The following CPQ variants were observed in gnomAD, a reference collection of about 807,000 sequenced individuals.
The protein encoded by CPQ is Ser-Met dipeptidase.
A neutral mutation model predicts 45.7 loss-of-function variants in CPQ; 37 were observed. The ratio of observed to expected loss-of-function variants is 0.81; its 90% CI spans 0.62 to 1.07. The LOEUF (loss-of-function observed/expected upper bound fraction) is 1.07, where lower values mean the gene tolerates loss of function less well. Ranked by LOEUF, CPQ falls within the 50% of genes least tolerant of loss-of-function variation. CPQ has a pLI of 0.00. For missense variants in CPQ, 537 were observed against 572.9 expected, an observed-to-expected ratio of 0.94 and a Z score of 0.64; for synonymous variants, 186 against 205.8, an observed-to-expected ratio of 0.90 and a Z score of 0.82.
At position 96,885,754 on chromosome 8, in the gene CPQ, C is replaced by T. The variant is rs114123712; in HGVS notation, c.849+5749C>T. On this transcript the variant is annotated intron_variant, in intron 4 of 7. Coordinates refer to ENST00000220763, the MANE Select transcript of CPQ (RefSeq NM_016134.4). ...CTCACGCCTGTAATCTCAGGGAGGCCGAGGCGGGCAGATAACTAGGTCAGG... is the reference window on the plus strand; with the variant it reads ...CTCACGCCTGTAATCTCAGGGAGGCTGAGGCGGGCAGATAACTAGGTCAGG... Among the ~76,000 whole-genome samples the T allele has an allele frequency of 6.7e-3, 1,020 of 152,146 alleles. 7 individuals carry two copies. Among genetic ancestry groups the T allele is most frequent in the African/African-American group, 0.019 (794 of 41,518 alleles).
At chr8:97,088,118 A>G (rs898130674) in intron 7 of CPQ, among the ~76,000 whole-genome samples, 2 of 152,210 alleles carry the variant, frequency 1.3e-5, no homozygotes, top group African/African-American at 4.8e-5. Context: ...TTCTTTTGCA[A>G]TATTTCACCC....
intron 7 of CPQ, among the ~76,000 whole-genome samples, chr8:97,082,114 C>T (rs1432023093): frequency 6.6e-6 from 1 of 152,120 alleles, no homozygotes; most frequent in East Asian, 1.9e-4. Context: ...ATTAAGCAAG[C>T]CACGGAAGGA....
intron 4 of CPQ, among the ~76,000 whole-genome samples, chr8:96,904,318 G>A (rs923591858): frequency 2.6e-5 from 4 of 152,216 alleles, no homozygotes; most frequent in Admixed American, 6.5e-5. Flanking sequence ...GTGATCCACA[G>A]ATAGAGAATA....
At chr8:97,069,875 T>G (rs1271190988) in intron 7 of CPQ, among the ~76,000 whole-genome samples, 2 of 152,172 alleles carry the variant, frequency 1.3e-5, no homozygotes, top group African/African-American at 4.8e-5. Context: ...AAAATACTGA[T>G]AGAACTGTAT....
intron 1 of CPQ, among the ~76,000 whole-genome samples, chr8:96,684,834 C>T (rs1167741497): frequency 6.6e-6 from 1 of 151,964 alleles, no homozygotes; most frequent in African/African-American, 2.4e-5. Flanking sequence ...GACTTGGTGG[C>T]TCACGCCTGT....
intron 1 of CPQ, among the ~76,000 whole-genome samples, chr8:96,675,204 AC>A (rs1455323263): frequency 5.3e-5 from 8 of 152,198 alleles, no homozygotes; most frequent in African/African-American, 1.9e-4. Context: ...GCTCTAAGCC[AC>A]CACTGGGTTA....
At chr8:96,910,544 G>A (rs188010532) in intron 4 of CPQ, among the ~76,000 whole-genome samples, 5 of 151,824 alleles carry the variant, frequency 3.3e-5, no homozygotes, top group East Asian at 1.9e-4. Context: ...TCACTCTGTC[G>A]CCCAGGCTGG....
In CPQ at chr8:96,922,173, G is replaced by T. The variant is rs548650654; in HGVS notation, c.849+42168G>T. Among the ~76,000 whole-genome samples the T allele has an allele frequency of 3.9e-5, 6 of 152,170 alleles. No individual in the cohort carries two copies. The East Asian group carries it at 1.2e-3, about 29-fold the overall frequency. ...AGTATGCAACTTTAAGTTACTGGCC[G>T]TCTAATTAAAAAGATGTTTCCAAAG... On this transcript the variant is annotated intron_variant, in intron 4 of 7. Coordinates refer to ENST00000220763, the MANE Select transcript of CPQ (RefSeq NM_016134.4).
intron 7 of CPQ, among the ~76,000 whole-genome samples, chr8:97,118,080 A>G (rs2130602427): frequency 6.6e-6 from 1 of 152,324 alleles, no homozygotes; most frequent in Non-Finnish European, 1.5e-5. Flanking sequence ...TTGGAATTTG[A>G]AAATTAGAGA....
intron 3 of CPQ, among the ~76,000 whole-genome samples, chr8:96,874,906 G>T (rs1009940131): frequency 1.3e-5 from 2 of 151,868 alleles, no homozygotes; most frequent in Non-Finnish European, 2.9e-5. Context: ...ACTTTTTGAA[G>T]AACTGTCAAA....
chr8:96,673,211 A>G (rs980967127), intron 1 of CPQ, among the ~76,000 whole-genome samples: 2 of 152,154 alleles, frequency 1.3e-5, no homozygotes, highest in Admixed American at 6.5e-5. Context: ...GGAAGTACAG[A>G]TTTATTGACG....
intron 7 of CPQ, among the ~76,000 whole-genome samples, chr8:97,142,803 A>C (rs1306781467): frequency 6.6e-6 from 1 of 152,234 alleles, no homozygotes; most frequent in Non-Finnish European, 1.5e-5. Context: ...ACGAAGTTAA[A>C]GGCTTTTCTA....
chr8:96,680,458 A>G (rs1809134696), intron 1 of CPQ: 1 of 152,194 alleles, frequency 6.6e-6, no homozygotes, highest in African/African-American at 2.4e-5. Context: ...TCCCTACACA[A>G]GCTCTTTGCC....
At chr8:96,896,802 T>C (rs1812448691) in intron 4 of CPQ, among the ~76,000 whole-genome samples, 1 of 152,156 alleles carries the variant, frequency 6.6e-6, no homozygotes, top group South Asian at 2.1e-4. Flanking sequence ...AGAACATAAA[T>C]GAATGAATGA....
intron 2 of CPQ, among the ~76,000 whole-genome samples, chr8:96,792,425 C>T (rs1810860093): frequency 6.6e-6 from 1 of 152,144 alleles, no homozygotes. Context: ...GTCTCTGAGC[C>T]CAACACAGCA....
chr8:96,815,962 G>A (rs1385216604), intron 2 of CPQ, among the ~76,000 whole-genome samples: 1 of 152,162 alleles, frequency 6.6e-6, no homozygotes, highest in Non-Finnish European at 1.5e-5. Flanking sequence ...TGCTGGTGGT[G>A]GTCTTGCCTT....
At chr8:96,966,189 C>T (rs888382417) in intron 5 of CPQ, 143 bp downstream of exon 5, 24 of 561,764 alleles carry the variant, frequency 4.3e-5, no homozygotes, top group Non-Finnish European at 7.0e-5. Flanking sequence ...AAAGAAACAA[C>T]TTATGCTCTT....
intron 1 of CPQ, among the ~76,000 whole-genome samples, chr8:96,696,158 G>A (rs1809378034): frequency 6.6e-6 from 1 of 151,848 alleles, no homozygotes; most frequent in South Asian, 2.1e-4. Context: ...GGATGAAATT[G>A]GAAATCATCA....
chr8:96,986,326 C>T (rs140503162), intron 5 of CPQ, among the ~76,000 whole-genome samples: 243 of 152,238 alleles, frequency 1.6e-3, no homozygotes, highest in African/African-American at 5.6e-3. Flanking sequence ...ACCATCAAAG[C>T]AAATGTGTTC....
Sources: allele counts gnomAD v4.1 joint callset (sites outside exome capture counted in the v4.1 genomes callset), GRCh38; gene constraint gnomAD v4.1.1; transcripts MANE v1.5; gene names NCBI Gene and HGNC (gene_info 2026-07-23, HGNC 2026-07-21).